Variants in CELSR3 observed in about 807,000 individuals in gnomAD.
The protein encoded by CELSR3 is EGF-like protein 1.
In CELSR3, 73 loss-of-function variants were observed where a neutral mutation model predicts 270.0. The ratio of observed to expected loss-of-function variants is 0.27; its 90% confidence interval spans 0.22 to 0.33. The LOEUF is 0.33. Ranked by LOEUF, CELSR3 falls within the 10% of genes least tolerant of loss-of-function variation. The probability of loss-of-function intolerance (pLI) is 1.00; values close to 1 mark genes in which losing one functional copy is unlikely to be tolerated. For missense variants in CELSR3, 3,614 were observed against 4,533.8 expected, an observed-to-expected ratio of 0.80 and a Z score of 5.83; for synonymous variants, 1,780 against 1,905.4, an observed-to-expected ratio of 0.93 and a Z score of 1.71.
Position 48,645,287 on chromosome 3 carries a change from C to T in CELSR3, c.7798-78G>A, listed in dbSNP as rs971617711. On this transcript the variant is annotated intron_variant, in intron 24 of 34. Transcript: ENST00000164024. This position sits in a 1 kb window ranked among gnomAD's most constrained non-coding sequence, Gnocchi z 5.4. The stretch of plus-strand genomic sequence containing the variant: ...CCTACCCCAGGCATCTGCTTCCCAC[C>T]TCTCACCCCTAAACCACAATATCTT... 7.8e-6 allele frequency: 12 copies of T among 1,532,552 alleles called. No individual in the cohort carries two copies. The Middle Eastern group carries it at 8.6e-4, about 110-fold the overall frequency. The allele number at this position is 1,532,552 out of a possible 1,614,324, so 94.9% of individuals were successfully genotyped here. A position where few individuals can be genotyped will look rare whatever the true frequency, so the allele number is the denominator to read the frequency against.
chr3:48,644,945 G>T lies in CELSR3; in HGVS notation c.7972+90C>A. 6.5e-7 allele frequency: 1 copy of T among 1,528,446 alleles called. No individual in the cohort carries two copies. The highest frequency in any genetic ancestry group is 8.9e-7 in the Non-Finnish European group (1 of 1,119,018). The allele number at this position is 1,528,446 out of a possible 1,614,324, so 94.7% of individuals were successfully genotyped here. The stretch of plus-strand genomic sequence containing the variant: ...GCAACCCCATGAATAGATGGCTTGG[G>T]GTTTGAGGTTGGGGGTCATGAGCAG... On this transcript the variant is annotated intron_variant, in intron 25 of 34. Transcript: ENST00000164024. This position sits in a 1 kb window ranked among gnomAD's most constrained non-coding sequence, Gnocchi z 4.8.
Position 48,657,034 on chromosome 3 carries a change from G to T in CELSR3, c.4063C>A (p.Gln1355Lys), listed in dbSNP as rs1347545529. ...PWFSSEELQEQLYVRRAALAA... is the reference protein window; with the variant it reads ...PWFSSEELQEKLYVRRAALAA... ...AGCGCCGCCCGGCGCACGTACAACT[G>T]CTCCTGCAGCTCCTCGGAGCTGAAC... is the stretch of plus-strand genomic sequence containing the variant. The change falls in exon 2 of 35, where the codon CAG becomes AAG. Residue 1355 changes from glutamine (Q) to lysine (K), a missense_variant. Physicochemically the swap from Gln to Lys is moderately conservative, Grantham distance 53. Transcript: ENST00000164024. This position sits in a 1 kb window ranked among gnomAD's most constrained non-coding sequence, Gnocchi z 5.4. 3 of 1,613,484 alleles carry T rather than the reference G, an allele frequency of 1.9e-6. No homozygotes were observed. In the African/African-American group the frequency reaches 4.0e-5, roughly 22 times the overall value.
chr3:48,643,620 C>T lies in CELSR3; in HGVS notation c.8223G>A (p.Gly2741=), dbSNP rs9868809. The change falls in exon 28 of 35, where the codon GGG becomes GGA. Residue 2741 remains glycine (G), a synonymous_variant. Coordinates refer to ENST00000164024, the MANE Select transcript of CELSR3 (RefSeq NM_001407.3). ...LLLVSASWLF[G]LLAVNHSILA... is the part of the protein sequence containing the mutation. ...GGATGCTGTGGTTGACTGCCAGGAG[C>T]CCAAAGAGCCAGGAGGCACTGACCA... is the stretch of plus-strand genomic sequence containing the variant. 0.1 allele frequency: 160,017 copies of T among 1,550,974 alleles called. 8,489 individuals are homozygous for T. Among genetic ancestry groups the T allele is most frequent in the African/African-American group, 0.16 (11,424 of 73,044 alleles).
At position 48,651,289 on chromosome 3, in the gene CELSR3, G is replaced by C; in HGVS notation, c.6186+70C>G. On this transcript the variant is annotated intron_variant, in intron 14 of 34. Coordinates refer to ENST00000164024, the MANE Select transcript of CELSR3 (RefSeq NM_001407.3). The surrounding 1 kb of genome is among the most constrained non-coding windows in gnomAD (Gnocchi z 7.4). ...GTTAGGGCCCAAGTCAGGTGGCGGA[G>C]GTCAGCAAGCTGGACAGGAATTGCA... 2 of 1,595,042 alleles carry C rather than the reference G, an allele frequency of 1.3e-6. No individual in the cohort carries two copies. Among genetic ancestry groups the C allele is most frequent in the Non-Finnish European group, 1.7e-6 (2 of 1,167,324 alleles).
At position 48,638,170 on chromosome 3, in the gene CELSR3, G is replaced by A. The variant is rs147108034; in HGVS notation, c.*35C>T. The A allele has an allele frequency of 1.5e-4, 234 of 1,598,372 alleles. No individual in the cohort carries two copies. The East Asian group carries it at 4.5e-3, about 31-fold the overall frequency. Reference sequence around the variant, plus strand: ...CTCCTGTTAGCCTAGATCCTCTGTCGCCCTCAGCTGTTCCTCGTCCACGCC... The same window carrying A: ...CTCCTGTTAGCCTAGATCCTCTGTCACCCTCAGCTGTTCCTCGTCCACGCC... On this transcript the variant is annotated 3_prime_UTR_variant, in exon 35 of 35. Coordinates refer to ENST00000164024, the MANE Select transcript of CELSR3 (RefSeq NM_001407.3).
In CELSR3 at chr3:48,650,432, C is replaced by CCGGGGGGGGGGGGGGGGGGGGGGGGG; in HGVS notation, c.6472+47_6472+48insCCCCCCCCCCCCCCCCCCCCCCCCCG. The CCGGGGGGGGGGGGGGGGGGGGGGGGG allele has an allele frequency of 8.3e-7, 1 of 1,208,940 alleles. No individual in the cohort carries two copies. The highest frequency in any genetic ancestry group is 2.0e-5 in the Admixed American group (1 of 50,854). 74.9% of individuals were successfully genotyped at this position (1,208,940 alleles called of 1,614,324 possible). A position where few individuals can be genotyped will look rare whatever the true frequency, so the allele number is the denominator to read the frequency against. ...AGACATGGCTCTAGCAGTCAGAGTA[C>CCGGGGGGGGGGGGGGGGGGGGGGGGG]AGGCCCACCCCCACCCTCAGTGATG... On this transcript the variant is annotated intron_variant, in intron 16 of 34. Coordinates refer to ENST00000164024, the MANE Select transcript of CELSR3 (RefSeq NM_001407.3). The surrounding 1 kb of genome is among the most constrained non-coding windows in gnomAD (Gnocchi z 5.1).
chr3:48,644,275 G>C lies in CELSR3; in HGVS notation c.8106C>G (p.Leu2702=), dbSNP rs2047058793. The change falls in exon 27 of 35, where the codon CTC becomes CTG. Residue 2702 remains leucine (L), a synonymous_variant. Coordinates refer to ENST00000164024, the MANE Select transcript of CELSR3 (RefSeq NM_001407.3). The surrounding 1 kb of genome is among the most constrained non-coding windows in gnomAD (Gnocchi z 4.8). ...TGGAGCAGGATGTGCGGGCAGCGAG[G>C]AGAAACATGGTCCCGTTCATCTGGA... ...LVIVMNGTMF[L]LAARTSCSTG... is the part of the protein sequence containing the mutation. 1 of 1,613,214 alleles carries C rather than the reference G, an allele frequency of 6.2e-7. No homozygotes were observed. Among genetic ancestry groups the C allele is most frequent in the Admixed American group, 1.7e-5 (1 of 60,008 alleles).
chr3:48,642,377 G>A lies in CELSR3; in HGVS notation c.8646C>T (p.Ala2882=). ...AHAGPTDLDV[A]MFHRDAGADS... is the part of the protein sequence containing the mutation. ...CTCCACCAGCATCTCGATGGAACAT[G>A]GCCACGTCCAGGTCAGTGGGGCCAG... is the stretch of plus-strand genomic sequence containing the variant. Residue 2882 remains alanine, a synonymous_variant, in exon 31 of 35, where the codon GCC becomes GCT. Coordinates refer to ENST00000164024, the MANE Select transcript of CELSR3 (RefSeq NM_001407.3). The surrounding 1 kb of genome is among the most constrained non-coding windows in gnomAD (Gnocchi z 6.1). 2 of 1,613,078 alleles carry A rather than the reference G, an allele frequency of 1.2e-6. No homozygotes were observed. Among genetic ancestry groups the A allele is most frequent in the African/African-American group, 1.3e-5 (1 of 75,040 alleles).
chr3:48,649,876 CACAA>C (rs945979526), intron 16 of CELSR3, among the ~76,000 whole-genome samples: 3 of 152,136 alleles, frequency 2.0e-5, no homozygotes, highest in African/African-American at 7.2e-5. Context: ...AGCATGCGTA[CACAA>C]ACAATCTCTG....
At chr3:48,648,038 T>C in intron 19 of CELSR3, 42 bp from the exon 20 acceptor site, 2 of 1,604,450 alleles carry the variant, frequency 1.2e-6, no homozygotes, top group Non-Finnish European at 1.7e-6. Flanking sequence ...ATGGACCTCT[T>C]CCCCCTGCCA....
At position 48,646,045 on chromosome 3, in the gene CELSR3, C is replaced by T; in HGVS notation, c.7463+45G>A. 1.2e-6 allele frequency: 2 copies of T among 1,605,218 alleles called. No individual in the cohort carries two copies. The highest frequency in any genetic ancestry group is 1.7e-6 in the Non-Finnish European group (2 of 1,175,030). ...AAGGCTGGGACTATTAGTTGGCCTCCCAAGGGCTAACGGGACCAAGGGTTT... is the reference window on the plus strand; with the variant it reads ...AAGGCTGGGACTATTAGTTGGCCTCTCAAGGGCTAACGGGACCAAGGGTTT... On this transcript the variant is annotated intron_variant, in intron 22 of 34. Coordinates refer to ENST00000164024, the MANE Select transcript of CELSR3 (RefSeq NM_001407.3). This position sits in a 1 kb window ranked among gnomAD's most constrained non-coding sequence, Gnocchi z 4.8.
chr3:48,645,170 A>G lies in CELSR3; in HGVS notation c.7837T>C (p.Phe2613Leu). The change falls in exon 25 of 35, where the codon TTC (phenylalanine) becomes CTC (leucine). Residue 2613 changes from phenylalanine to leucine, a missense_variant. Around this residue, in one of 7 missense-constraint regions of CELSR3, gnomAD observed 1,240 missense variants for 1,351.7 expected, o/e 0.92. Coordinates refer to ENST00000164024, the MANE Select transcript of CELSR3 (RefSeq NM_001407.3). This position sits in a 1 kb window ranked among gnomAD's most constrained non-coding sequence, Gnocchi z 5.4. Reference sequence around the variant, plus strand: ...AAGAGCCACGCGAAGGTGCTGAGGAAGAAGTAGTGCAGGAGGATGGCGACT... The same window carrying G: ...AAGAGCCACGCGAAGGTGCTGAGGAGGAAGTAGTGCAGGAGGATGGCGACT... ...TAVAILLHYFFLSTFAWLFVQ... is the reference protein window; with the variant it reads ...TAVAILLHYFLLSTFAWLFVQ... The G allele has an allele frequency of 6.3e-7, 1 of 1,593,072 alleles. No homozygotes were observed. Among genetic ancestry groups the G allele is most frequent in the Non-Finnish European group, 8.6e-7 (1 of 1,164,508 alleles).
At position 48,656,574 on chromosome 3, in the gene CELSR3, T is replaced by C. The variant is rs956822041; in HGVS notation, c.4399+124A>G. 9.9e-6 allele frequency: 13 copies of C among 1,311,898 alleles called. No individual in the cohort carries two copies. In the African/African-American group the frequency reaches 1.5e-4, roughly 15 times the overall value. The allele number at this position is 1,311,898 out of a possible 1,614,324, so 81.3% of individuals were successfully genotyped here. A position where few individuals can be genotyped will look rare whatever the true frequency, so the allele number is the denominator to read the frequency against. ...CCTTCCGGCCACGCTCTACGGCTTC[T>C]GGCCTAAGCGCGTCCATACCAGGCC... is the stretch of plus-strand genomic sequence containing the variant. On this transcript the variant is annotated intron_variant, in intron 2 of 34. Transcript: ENST00000164024.
rs1406011326 is a variant in CELSR3, at chr3:48,661,058, G to A, written c.1577C>T (p.Ser526Leu). The A allele has an allele frequency of 1.9e-6, 3 of 1,613,730 alleles. No individual in the cohort carries two copies. The highest frequency in any genetic ancestry group is 2.7e-5 in the African/African-American group (2 of 75,078). The change falls in exon 1 of 35, where the codon TCG becomes TTG. Residue 526 changes from serine (S) to leucine (L), a missense_variant. Physicochemically the swap from Ser to Leu is moderately radical, Grantham distance 145. This residue lies in a region of CELSR3 where 354 missense variants were observed against 500.9 expected (regional missense o/e 0.71). Coordinates refer to ENST00000164024, the MANE Select transcript of CELSR3 (RefSeq NM_001407.3). ...SDQGQEPGPR[S>L]ATVRVHITVL... ...AGTTATGTGTACGCGCACAGTGGCC[G>A]AGCGCGGCCCGGGTTCCTGGCCCTG...
chr3:48,661,495 C>T lies in CELSR3; in HGVS notation c.1140G>A (p.Pro380=), dbSNP rs373347696. 13 of 1,602,098 alleles carry T rather than the reference C, an allele frequency of 8.1e-6. No homozygotes were observed. The African/African-American group carries it at 1.3e-4, about 17-fold the overall frequency. ...CCGCCGTACGGATAAGGCCGCTCTG[C>T]GGGTCGATGCTGAACAGCTCCAGCG... ...SRSLELFSID[P]QSGLIRTAAA... is the part of the protein sequence containing the mutation. Residue 380 remains proline (P), a synonymous_variant, in exon 1 of 35, where the codon CCG becomes CCA. Coordinates refer to ENST00000164024, the MANE Select transcript of CELSR3 (RefSeq NM_001407.3).
rs745352358 is a variant in CELSR3 at position 48,648,399 on chromosome 3, C to G, written c.6840G>C (p.Leu2280=). 7.5e-6 allele frequency: 12 copies of G among 1,608,136 alleles called. No homozygotes were observed. In the East Asian group the frequency reaches 2.7e-4, roughly 36 times the overall value. The stretch of plus-strand genomic sequence containing the variant: ...GGGAGCCCCCAGGGGCCCGCTGCCC[C>G]AGCGCCGCCCACAAGTCCCCTGTCT... ...APETGDLWAA[L]GQRAPGGSPG... Residue 2280 remains leucine, a synonymous_variant, in exon 19 of 35, where the codon CTG becomes CTC. Transcript: ENST00000164024.
chr3:48,651,292 C>A lies in CELSR3; in HGVS notation c.6186+67G>T. ...AGGGCCCAAGTCAGGTGGCGGAGGTCAGCAAGCTGGACAGGAATTGCAGAT... is the reference window on the plus strand; with the variant it reads ...AGGGCCCAAGTCAGGTGGCGGAGGTAAGCAAGCTGGACAGGAATTGCAGAT... On this transcript the variant is annotated intron_variant, in intron 14 of 34. Transcript: ENST00000164024. The surrounding 1 kb of genome is among the most constrained non-coding windows in gnomAD (Gnocchi z 7.4). 1.9e-6 allele frequency: 3 copies of A among 1,597,150 alleles called. No homozygotes were observed. Among genetic ancestry groups the A allele is most frequent in the South Asian group, 2.2e-5 (2 of 89,120 alleles).
At chr3:48,649,501 T>C (rs372635568) in intron 16 of CELSR3, among the ~76,000 whole-genome samples, 12 of 152,176 alleles carry the variant, frequency 7.9e-5, no homozygotes, top group African/African-American at 2.9e-4. Flanking sequence ...CTCATAGATG[T>C]GCTGGTTCAC....
At position 48,656,735 on chromosome 3, in the gene CELSR3, C is replaced by G; in HGVS notation, c.4362G>C (p.Glu1454Asp). Residue 1454 changes from glutamate to aspartate, a missense_variant, in exon 2 of 35, where the codon GAG (glutamate) becomes GAC (aspartate). Glu to Asp is a conservative substitution (Grantham distance 45, BLOSUM62 2). Around this residue, in one of 7 missense-constraint regions of CELSR3, gnomAD observed 1,331 missense variants for 1,933.7 expected, o/e 0.69. Coordinates refer to ENST00000164024, the MANE Select transcript of CELSR3 (RefSeq NM_001407.3). ...CRNGGACARR[E>D]GGYTCVCRPR... ...GGCGGCAGACGCACGTGTAGCCTCCCTCGCGCCGCGCGCAGGCTCCGCCGT... is the reference window on the plus strand; with the variant it reads ...GGCGGCAGACGCACGTGTAGCCTCCGTCGCGCCGCGCGCAGGCTCCGCCGT... 6.6e-7 allele frequency: 1 copy of G among 1,525,474 alleles called. No individual in the cohort carries two copies. The highest frequency in any genetic ancestry group is 8.8e-7 in the Non-Finnish European group (1 of 1,139,542). The allele number at this position is 1,525,474 out of a possible 1,614,324, so 94.5% of individuals were successfully genotyped here.
Sources: allele counts gnomAD v4.1 joint callset (sites outside exome capture counted in the v4.1 genomes callset), GRCh38; gene constraint gnomAD v4.1.1; regional missense constraint gnomAD v4.1.1; non-coding constraint Gnocchi (gnomAD v3.1); transcripts MANE v1.5; gene names NCBI Gene and HGNC (gene_info 2026-07-23, HGNC 2026-07-21).